Variants in INSYN2B observed in about 807,000 individuals in gnomAD.
The protein encoded by INSYN2B is inhibitory synaptic factor family member 2B, also known as protein INSYN2B.
A neutral mutation model predicts 41.2 loss-of-function variants in INSYN2B; 16 were observed. The ratio of observed to expected loss-of-function variants is 0.39; its 90% CI spans 0.26 to 0.59. The LOEUF (loss-of-function observed/expected upper bound fraction) is 0.59, where lower values mean the gene tolerates loss of function less well. Ranked by LOEUF, INSYN2B falls within the 20% of genes least tolerant of loss-of-function variation. The probability of loss-of-function intolerance (pLI) is 0.57; values close to 1 mark genes in which losing one functional copy is unlikely to be tolerated. For missense variants in INSYN2B, 608 were observed against 646.4 expected, an observed-to-expected ratio of 0.94 and a Z score of 0.64; for synonymous variants, 245 against 244.4, an observed-to-expected ratio of 1.00 and a Z score of -0.02.
chr5:169,917,622 G>A (rs1774947507), intron 1 of INSYN2B, among the ~76,000 whole-genome samples: 1 of 152,152 alleles, frequency 6.6e-6, no homozygotes, highest in African/African-American at 2.4e-5. Flanking sequence ...GTTTTTTGGT[G>A]ATTGCGAAAC....
At chr5:169,869,802 A>C (rs1166593620) in intron 3 of INSYN2B, among the ~76,000 whole-genome samples, 2 of 152,170 alleles carry the variant, frequency 1.3e-5, no homozygotes, top group African/African-American at 4.8e-5. Context: ...ATAGCACACC[A>C]ATAACTTTTC....
intron 1 of INSYN2B, among the ~76,000 whole-genome samples, chr5:169,950,678 G>T (rs1776626391): frequency 6.6e-6 from 1 of 152,194 alleles, no homozygotes; most frequent in Non-Finnish European, 1.5e-5. Flanking sequence ...CCAATGTTGT[G>T]TTCCTCTGGG....
At chr5:169,979,030 C>A (rs1158555014) in intron 1 of INSYN2B, among the ~76,000 whole-genome samples, 1 of 152,168 alleles carries the variant, frequency 6.6e-6, no homozygotes, top group Non-Finnish European at 1.5e-5. Flanking sequence ...TCCTGGCATG[C>A]TGCTTGGATA....
intron 1 of INSYN2B, among the ~76,000 whole-genome samples, chr5:169,976,544 C>T (rs888274645): frequency 1.2e-4 from 19 of 152,138 alleles, no homozygotes; most frequent in Admixed American, 9.8e-4. Context: ...TGTGATTAAA[C>T]ATCTCATCAT....
chr5:169,973,628 G>A (rs759296783), intron 1 of INSYN2B, among the ~76,000 whole-genome samples: 5 of 152,058 alleles, frequency 3.3e-5, no homozygotes, highest in East Asian at 1.9e-4. Context: ...AGTGCCTGCC[G>A]GAAAAGCTAC....
chr5:169,967,651 A>G (rs1046012515), intron 1 of INSYN2B, among the ~76,000 whole-genome samples: 1 of 152,180 alleles, frequency 6.6e-6, no homozygotes, highest in Non-Finnish European at 1.5e-5. Flanking sequence ...TTTCCATTAT[A>G]GAGAGATCAC....
intron 1 of INSYN2B, among the ~76,000 whole-genome samples, chr5:169,918,034 G>C (rs1774971139): frequency 6.6e-6 from 1 of 152,196 alleles, no homozygotes; most frequent in South Asian, 2.1e-4. Context: ...ATTTAGCTGG[G>C]ATCTGAGGAT....
chr5:169,924,701 C>A (rs957629469), intron 1 of INSYN2B, among the ~76,000 whole-genome samples: 19 of 152,106 alleles, frequency 1.2e-4, no homozygotes, highest in African/African-American at 4.6e-4. Flanking sequence ...ATCTGAGAGG[C>A]TTTTTTTGAA....
At chr5:169,918,679 G>A (rs1239226983) in intron 1 of INSYN2B, among the ~76,000 whole-genome samples, 3 of 152,204 alleles carry the variant, frequency 2.0e-5, no homozygotes, top group South Asian at 2.1e-4. Flanking sequence ...TTGGGAGGCC[G>A]AGGCGAGAGG....
intron 1 of INSYN2B, among the ~76,000 whole-genome samples, chr5:169,950,614 T>G (rs1019878022): frequency 6.6e-6 from 1 of 152,226 alleles, no homozygotes; most frequent in African/African-American, 2.4e-5. Flanking sequence ...GCTACAGATT[T>G]TCTATGTGAC....
intron 1 of INSYN2B, among the ~76,000 whole-genome samples, chr5:169,957,094 G>T (rs1776899385): frequency 6.6e-6 from 1 of 152,078 alleles, no homozygotes; most frequent in Non-Finnish European, 1.5e-5. Flanking sequence ...TCTGCACTTT[G>T]TACTTTGCAG....
chr5:169,915,730 A>G (rs555064060), intron 1 of INSYN2B, among the ~76,000 whole-genome samples: 1 of 152,294 alleles, frequency 6.6e-6, no homozygotes, highest in South Asian at 2.1e-4. Context: ...CAATTCAGCC[A>G]TTTTAAACCA....
chr5:169,891,284 C>T (rs983343756), intron 1 of INSYN2B, among the ~76,000 whole-genome samples: 17 of 152,232 alleles, frequency 1.1e-4, no homozygotes, highest in African/African-American at 4.1e-4. Flanking sequence ...TGCAGCAAAA[C>T]CCTGTCCTAT....
At chr5:169,960,868 A>G (rs1433656273) in intron 1 of INSYN2B, among the ~76,000 whole-genome samples, 1 of 152,216 alleles carries the variant, frequency 6.6e-6, no homozygotes, top group Non-Finnish European at 1.5e-5. Flanking sequence ...CCCTTTGTCC[A>G]GTATATTCAC....
intron 3 of INSYN2B, among the ~76,000 whole-genome samples, chr5:169,865,010 A>T (rs1771452762): frequency 6.6e-6 from 1 of 152,192 alleles, no homozygotes; most frequent in African/African-American, 2.4e-5. Flanking sequence ...CGCTATCATC[A>T]TCATCATTAA....
At chr5:169,958,271 T>C (rs1776947424) in intron 1 of INSYN2B, among the ~76,000 whole-genome samples, 1 of 152,164 alleles carries the variant, frequency 6.6e-6, no homozygotes, top group South Asian at 2.1e-4. Context: ...TACTGCACTG[T>C]TATTAATAAG....
rs555101222 is a variant in INSYN2B, at chr5:169,944,468, G to A, written c.-919+35809C>T. On this transcript the variant is annotated intron_variant, in intron 1 of 3. Transcript: ENST00000377365. ...CTCTGGAGAGATGCTGAAGGAGGCA[G>A]GAGATTTGGAAAGGGAGGGAGGGAG... Among the ~76,000 whole-genome samples the A allele has an allele frequency of 2.6e-5, 4 of 152,338 alleles. No individual in the cohort carries two copies. The South Asian group carries it at 8.3e-4, about 32-fold the overall frequency.
At chr5:169,960,731 G>T (rs530719093) in intron 1 of INSYN2B, among the ~76,000 whole-genome samples, 62 of 152,224 alleles carry the variant, frequency 4.1e-4, no homozygotes, top group African/African-American at 1.5e-3. Flanking sequence ...TTTGTTACTT[G>T]CAGTTAATTG....
rs1307283671 is a variant in INSYN2B, at chr5:169,864,282, C to T, written c.1599G>A (p.Trp533Ter). Residue 533 changes from tryptophan (W) to a stop codon, truncating the protein, a stop_gained, in exon 4 of 4, where the codon TGG becomes TGA. Coordinates refer to ENST00000377365, the MANE Select transcript of INSYN2B (RefSeq NM_001129891.3). LOFTEE classifies it high-confidence loss of function. ...GATGGTCCCAACCAGCTCAGATCCA[C>T]CAGAAGCATTTCTTTTTCACCTTCT... is the stretch of plus-strand genomic sequence containing the variant. ...KTKKVKKKCF[W>*]WI 6.4e-7 allele frequency: 1 copy of T among 1,551,576 alleles called. No homozygotes were observed.
Sources: gnomAD v4.1 joint callset for allele counts (sites outside exome capture counted in the v4.1 genomes callset) on GRCh38, gnomAD v4.1.1 for gene constraint, MANE v1.5 for transcripts, NCBI Gene and HGNC (gene_info 2026-07-23, HGNC 2026-07-21) for gene names.